Variants in ZNF560 observed in about 807,000 individuals in gnomAD.
ZNF560 encodes zinc finger protein 560.
In ZNF560, 54 loss-of-function variants were observed where a neutral mutation model predicts 81.8. The observed-to-expected ratio is 0.66, with a 90% CI of 0.53 to 0.83. The LOEUF (loss-of-function observed/expected upper bound fraction) is 0.83. ZNF560 is among the 40% of genes least tolerant of loss of function. The pLI, the probability that ZNF560 is intolerant of heterozygous loss-of-function variation, is 0.00. For synonymous variants in ZNF560, 321 were observed against 317.9 expected, an observed-to-expected ratio of 1.01 and a Z score of -0.10; for missense variants, 940 against 932.4, an observed-to-expected ratio of 1.01 and a Z score of -0.11.
Position 9,466,753 on chromosome 19 carries a change from G to A in ZNF560, c.2194C>T (p.Arg732Ter), listed in dbSNP as rs746950168. 29 of 1,613,712 alleles carry A rather than the reference G, an allele frequency of 1.8e-5. No homozygotes were observed. Among genetic ancestry groups the A allele is most frequent in the East Asian group, 4.5e-5 (2 of 44,840 alleles). ...TCHSDLTNHVRIHTGEKPYKC... is the reference protein window; with the variant it reads ...TCHSDLTNHV Reference sequence around the variant, plus strand: ...TAGGGCTTCTCTCCAGTGTGAATTCGCACATGATTAGTAAGATCTGAATGA... The same window carrying A: ...TAGGGCTTCTCTCCAGTGTGAATTCACACATGATTAGTAAGATCTGAATGA... The change falls in exon 10 of 10, where the codon CGA becomes TGA. Residue 732 changes from arginine (R) to a stop codon, truncating the protein, a stop_gained. Coordinates refer to ENST00000301480, the MANE Select transcript of ZNF560 (RefSeq NM_152476.3). LOFTEE classifies it high-confidence loss of function.
upstream of ZNF560, among the ~76,000 whole-genome samples, chr19:9,503,123 A>G (rs2073644682): frequency 6.6e-6 from 1 of 152,104 alleles, no homozygotes; most frequent in South Asian, 2.1e-4. Context: ...TGCGAGGCCA[A>G]GGTGAGAAGA....
rs767682995 is a variant in ZNF560, at chr19:9,466,704, G to C, written c.2243C>G (p.Ala748Gly). 3.1e-6 allele frequency: 5 copies of C among 1,614,126 alleles called. 1 individual carries two copies. In the South Asian group the frequency reaches 5.5e-5, roughly 18 times the overall value. ...AATACGTCCTGAGGATGTACGGAAG[G>C]CCTTCCCACATTCCTTACATTTATA... ...KPYKCKECGK[A>G]FRTSSGRIQH... The change falls in exon 10 of 10, where the codon GCC (alanine) becomes GGC (glycine). Residue 748 changes from alanine (A) to glycine (G), a missense_variant. By Grantham distance (60) the Ala-to-Gly change is moderately conservative (BLOSUM62 0). Coordinates refer to ENST00000301480, the MANE Select transcript of ZNF560 (RefSeq NM_152476.3).
At chr19:9,476,237 C>T (rs530241502) in intron 2 of ZNF560, among the ~76,000 whole-genome samples, 3 of 152,146 alleles carry the variant, frequency 2.0e-5, no homozygotes, top group African/African-American at 7.2e-5. Context: ...CAGCTTCCCC[C>T]ATGCTGTTTT....
intron 8 of ZNF560, 92 bp downstream of exon 8, chr19:9,469,538 C>T: frequency 8.7e-7 from 1 of 1,152,068 alleles, no homozygotes; most frequent in African/African-American, 1.5e-5. Context: ...GGACAGCCTT[C>T]TGATTCAAAG....
At chr19:9,454,863 G>T in the ZNF560 span, among the ~76,000 whole-genome samples, 1 of 152,046 alleles carries the variant, frequency 6.6e-6, no homozygotes, top group Non-Finnish European at 1.5e-5. Context: ...GAGGGAGTGT[G>T]ATAATGTTGC....
chr19:9,483,901 G>C (rs2073343977), intron 2 of ZNF560, among the ~76,000 whole-genome samples: 1 of 152,200 alleles, frequency 6.6e-6, no homozygotes, highest in African/African-American at 2.4e-5. Flanking sequence ...TGCTGTGTCT[G>C]TGTAGAAAGA....
downstream of ZNF560, among the ~76,000 whole-genome samples, chr19:9,464,581 A>C (rs1407189229): frequency 6.6e-6 from 1 of 152,212 alleles, no homozygotes; most frequent in South Asian, 2.1e-4. Flanking sequence ...GTATTTTTAC[A>C]TTTTAAAGCT....
chr19:9,476,664 G>A (rs2073207439), intron 2 of ZNF560, among the ~76,000 whole-genome samples: 1 of 152,112 alleles, frequency 6.6e-6, no homozygotes, highest in Admixed American at 6.5e-5. Flanking sequence ...CTGTGAAGAG[G>A]TGTCTTCTGC....
chr19:9,477,251 T>G (rs946074967), intron 2 of ZNF560, among the ~76,000 whole-genome samples: 2 of 152,120 alleles, frequency 1.3e-5, no homozygotes, highest in African/African-American at 4.8e-5. Context: ...CTGAACAATA[T>G]CCCTATTTAG....
upstream of ZNF560, among the ~76,000 whole-genome samples, chr19:9,499,390 T>C (rs187661423): frequency 5.4e-4 from 83 of 152,302 alleles, no homozygotes; most frequent in African/African-American, 1.9e-3. Flanking sequence ...AGACAGGATC[T>C]AACCATGTTG....
the ZNF560 span, among the ~76,000 whole-genome samples, chr19:9,449,562 C>A: frequency 6.6e-6 from 1 of 151,920 alleles, no homozygotes; most frequent in Non-Finnish European, 1.5e-5. Context: ...AAGTCAGCAC[C>A]ATATGAAGTG....
upstream of ZNF560, among the ~76,000 whole-genome samples, chr19:9,500,650 T>G (rs2073625997): frequency 6.6e-6 from 1 of 151,966 alleles, no homozygotes; most frequent in Non-Finnish European, 1.5e-5. Context: ...CTTGGCTCAC[T>G]GCAACCTCCA....
rs777645240 is a variant in ZNF560, at chr19:9,468,036, T to A, written c.911A>T (p.Gln304Leu). Residue 304 changes from glutamine (Q) to leucine (L), a missense_variant, in exon 10 of 10, where the codon CAG becomes CTG. By Grantham distance (113) the Gln-to-Leu change is moderately radical. Coordinates refer to ENST00000301480, the MANE Select transcript of ZNF560 (RefSeq NM_152476.3). Reference protein sequence around the residue: ...GTDYGKAFIYQSYLEAHRKTQ... With the variant: ...GTDYGKAFIYLSYLEAHRKTQ... ...TTTCCTGTGTGCTTCAAGGTATGAC[T>A]GATAAATGAAGGCTTTCCCATAGTC... 39 of 1,614,104 alleles carry A rather than the reference T, an allele frequency of 2.4e-5. No individual in the cohort carries two copies. The highest frequency in any genetic ancestry group is 1.7e-6 in the Non-Finnish European group (2 of 1,180,046).
the ZNF560 span, among the ~76,000 whole-genome samples, chr19:9,505,284 A>C: frequency 6.6e-6 from 1 of 152,202 alleles, no homozygotes; most frequent in East Asian, 1.9e-4. Flanking sequence ...TTTGTATATT[A>C]TAAAGTCTTT....
intron 2 of ZNF560, among the ~76,000 whole-genome samples, chr19:9,495,599 TG>T (rs1568468171): frequency 6.6e-6 from 1 of 151,870 alleles, no homozygotes; most frequent in Non-Finnish European, 1.5e-5. Flanking sequence ...CCCATCTACT[TG>T]GGAGGCTGAG....
chr19:9,446,336 C>G, the ZNF560 span, among the ~76,000 whole-genome samples: 5 of 150,434 alleles, frequency 3.3e-5, no homozygotes, highest in East Asian at 9.8e-4. Context: ...TCCACCTTTC[C>G]CTAAACCAGA....
In ZNF560 at chr19:9,467,574, T is replaced by A. The variant is rs773306525; in HGVS notation, c.1373A>T (p.Lys458Met). 1 of 1,614,198 alleles carries A rather than the reference T, an allele frequency of 6.2e-7. No individual in the cohort carries two copies. The highest frequency in any genetic ancestry group is 1.1e-5 in the South Asian group (1 of 91,080). ...FGHLRVHNGE[K>M]PYEHKEYGKA... Reference sequence around the variant, plus strand: ...CCCATATTCCTTATGCTCATATGGCTTCTCTCCATTATGAACTCTCAAATG... The same window carrying A: ...CCCATATTCCTTATGCTCATATGGCATCTCTCCATTATGAACTCTCAAATG... Residue 458 changes from lysine to methionine, a missense_variant, in exon 10 of 10, where the codon AAG (lysine) becomes ATG (methionine). Transcript: ENST00000301480.
the ZNF560 span, among the ~76,000 whole-genome samples, chr19:9,457,704 C>T: frequency 6.6e-6 from 1 of 152,112 alleles, no homozygotes; most frequent in Non-Finnish European, 1.5e-5. Flanking sequence ...CACAATAATG[C>T]CACAGAAAGT....
At position 9,466,762 on chromosome 19, in the gene ZNF560, T is replaced by C. The variant is rs1417747064; in HGVS notation, c.2185A>G (p.Asn729Asp). The change falls in exon 10 of 10, where the codon AAT becomes GAT. Residue 729 changes from asparagine to aspartate, a missense_variant. Physicochemically the swap from Asn to Asp is conservative, Grantham distance 23 (BLOSUM62 1). Coordinates refer to ENST00000301480, the MANE Select transcript of ZNF560 (RefSeq NM_152476.3). The part of the protein sequence containing the change: ...KAFTCHSDLT[N>D]HVRIHTGEKP... ...TCTCCAGTGTGAATTCGCACATGATTAGTAAGATCTGAATGACAAGTGAAG... is the reference window on the plus strand; with the variant it reads ...TCTCCAGTGTGAATTCGCACATGATCAGTAAGATCTGAATGACAAGTGAAG... The C allele has an allele frequency of 1.2e-6, 2 of 1,614,028 alleles. No homozygotes were observed. The highest frequency in any genetic ancestry group is 1.1e-5 in the South Asian group (1 of 91,080).
Sources: allele counts gnomAD v4.1 joint callset (sites outside exome capture counted in the v4.1 genomes callset), GRCh38; gene constraint gnomAD v4.1.1; transcripts MANE v1.5; gene names NCBI Gene and HGNC (gene_info 2026-07-23, HGNC 2026-07-21).